The following MYOF variants were observed in gnomAD, a reference collection of about 807,000 sequenced individuals.
MYOF encodes fer-1-like 3, myoferlin.
A neutral mutation model predicts 284.2 loss-of-function variants in MYOF; 244 were observed. The ratio of observed to expected loss-of-function variants is 0.86; its 90% CI spans 0.77 to 0.95. The LOEUF is 0.95. Among genes scored for constraint, MYOF ranks in the 40% least tolerant of loss-of-function variants. MYOF has a pLI of 0.00. For synonymous variants in MYOF, 904 were observed against 919.7 expected, an observed-to-expected ratio of 0.98 and a Z score of 0.31; for missense variants, 2,496 against 2,560.6, an observed-to-expected ratio of 0.97 and a Z score of 0.54.
chr10:93,307,905 G>T (rs1467917100), intron 53 of MYOF, among the ~76,000 whole-genome samples: 1 of 150,998 alleles, frequency 6.6e-6, no homozygotes, highest in Non-Finnish European at 1.5e-5. Flanking sequence ...GATTATAGGT[G>T]TGAGCCACTG....
rs916555324 is a variant in MYOF, at chr10:93,370,314, A to ATTTTTTTTTTTTTTTTTTTTTTTT, written c.2458-539_2458-538insAAAAAAAAAAAAAAAAAAAAAAAA. Among the ~76,000 whole-genome samples the ATTTTTTTTTTTTTTTTTTTTTTTT allele has an allele frequency of 6.5e-5, 8 of 122,424 alleles. 1 individual carries two copies. The highest frequency in any genetic ancestry group is 2.5e-4 in the African/African-American group (7 of 28,276). 80.3% of individuals were successfully genotyped at this position (122,424 alleles called of 152,430 possible). On this transcript the variant is annotated intron_variant, in intron 24 of 53. Coordinates refer to ENST00000359263, the MANE Select transcript of MYOF (RefSeq NM_013451.4). ...GTTGATCAAGCAGTAATGATTACTA[A>ATTTTTTTTTTTTTTTTTTTTTTTT]TTTTTTTTTTTTTTTTTTTTTGAGA...
rs1847816352 is a variant in MYOF at position 93,409,707 on chromosome 10, T to G, written c.466A>C (p.Arg156=). The G allele has an allele frequency of 6.2e-7, 1 of 1,614,200 alleles. No homozygotes were observed. Among genetic ancestry groups the G allele is most frequent in the Non-Finnish European group, 8.5e-7 (1 of 1,180,024 alleles). ...DGEEDEGDED[R]LDNAVRGPGP... Reference sequence around the variant, plus strand: ...GGGCCCCTGACTGCATTGTCCAACCTGTCTTCATCACCTTCATCTTCTTCC... The same window carrying G: ...GGGCCCCTGACTGCATTGTCCAACCGGTCTTCATCACCTTCATCTTCTTCC... The change falls in exon 6 of 54, where the codon AGG becomes CGG. Residue 156 remains arginine (R), a synonymous_variant. Transcript: ENST00000359263.
intron 19 of MYOF, among the ~76,000 whole-genome samples, chr10:93,386,279 C>T (rs1846360206): frequency 6.6e-6 from 1 of 152,164 alleles, no homozygotes; most frequent in African/African-American, 2.4e-5. Context: ...TTCTCACTCT[C>T]CCGCCCTCTT....
intron 16 of MYOF, among the ~76,000 whole-genome samples, chr10:93,394,448 CTTTTTTTT>C (rs33970988): frequency 9.8e-4 from 28 of 28,692 alleles, no homozygotes; most frequent in Admixed American, 4.0e-3. Context: ...ACCATCTTGT[CTTTTTTTT>C]TTTTTTTTTT....
chr10:93,449,632 C>G (rs2056534779), intron 3 of MYOF, among the ~76,000 whole-genome samples: 1 of 152,004 alleles, frequency 6.6e-6, no homozygotes, highest in African/African-American at 2.4e-5. Flanking sequence ...AGAGTGGGAC[C>G]AGAACCTGCT....
intron 1 of MYOF, among the ~76,000 whole-genome samples, chr10:93,466,063 A>G (rs1255585958): frequency 6.6e-6 from 1 of 152,106 alleles, no homozygotes; most frequent in African/African-American, 2.4e-5. Flanking sequence ...GGAGCTGGCT[A>G]ATTTCTACTA....
chr10:93,325,885 C>T lies in MYOF; in HGVS notation c.5212G>A (p.Val1738Ile), dbSNP rs374010762. 1.1e-5 allele frequency: 18 copies of T among 1,613,970 alleles called. No homozygotes were observed. Among genetic ancestry groups the T allele is most frequent in the Non-Finnish European group, 1.5e-5 (18 of 1,180,038 alleles). ...ALHILRTQGL[V>I]PEHVETRTLH... ...GTCCTTGTTTCCACGTGCTCAGGGACCAGCCCCTGAGTCCTGAGGATGTGA... is the reference window on the plus strand; with the variant it reads ...GTCCTTGTTTCCACGTGCTCAGGGATCAGCCCCTGAGTCCTGAGGATGTGA... Residue 1738 changes from valine to isoleucine, a missense_variant, in exon 46 of 54, where the codon GTC becomes ATC. Physicochemically the swap from Val to Ile is conservative, Grantham distance 29. Coordinates refer to ENST00000359263, the MANE Select transcript of MYOF (RefSeq NM_013451.4).
intron 10 of MYOF, among the ~76,000 whole-genome samples, chr10:93,402,562 T>G (rs1216559928): frequency 6.6e-6 from 1 of 150,506 alleles, no homozygotes; most frequent in Admixed American, 6.7e-5. Flanking sequence ...AACAAGACTC[T>G]CTAAGTTGTA....
Position 93,340,192 on chromosome 10 carries a change from G to C in MYOF, c.4327-28C>G, listed in dbSNP as rs1009966310. The C allele has an allele frequency of 2.5e-6, 4 of 1,613,928 alleles. No homozygotes were observed. The East Asian group carries it at 6.7e-5, about 27-fold the overall frequency. On this transcript the variant is annotated intron_variant, in intron 38 of 53. Coordinates refer to ENST00000359263, the MANE Select transcript of MYOF (RefSeq NM_013451.4). The stretch of plus-strand genomic sequence containing the variant: ...GCTCGTGCACATGTCCCGTGAGGAA[G>C]AGGGCAAACCATATAACAGGTCACA...
Position 93,311,455 on chromosome 10 carries a change from C to CAAA in MYOF, c.5890-815_5890-813dup, listed in dbSNP as rs11397640. 2.0e-3 allele frequency among the ~76,000 whole-genome samples: 257 copies of CAAA among 129,678 alleles called. 4 individuals carry two copies. The highest frequency in any genetic ancestry group is 3.6e-3 in the Non-Finnish European group (215 of 59,898). 85.1% of individuals were successfully genotyped at this position (129,678 alleles called of 152,430 possible). On this transcript the variant is annotated intron_variant, in intron 51 of 53. Transcript: ENST00000359263. ...CGAAACCCCATCTCTACTAAAAATA[C>CAAA]AAAAAAAAAAAAAAAAATTAGCCAG...
chr10:93,399,187 T>C (rs1847161387), intron 13 of MYOF, among the ~76,000 whole-genome samples: 1 of 152,160 alleles, frequency 6.6e-6, no homozygotes, highest in Non-Finnish European at 1.5e-5. Flanking sequence ...AATTTTCTAA[T>C]TTGTGTTCTG....
chr10:93,314,254 A>G (rs1445851617), intron 50 of MYOF, among the ~76,000 whole-genome samples: 1 of 152,056 alleles, frequency 6.6e-6, no homozygotes, highest in Non-Finnish European at 1.5e-5. Flanking sequence ...ATGCCCGGCT[A>G]ATTTTTGTAT....
intron 43 of MYOF, among the ~76,000 whole-genome samples, chr10:93,330,714 G>C (rs1170182396): frequency 2.6e-5 from 4 of 152,208 alleles, no homozygotes; most frequent in Admixed American, 6.5e-5. Context: ...GACAGTCCCG[G>C]AGAAGGTGCT....
intron 5 of MYOF, among the ~76,000 whole-genome samples, chr10:93,423,311 G>C (rs766196160): frequency 4.6e-5 from 7 of 151,738 alleles, no homozygotes; most frequent in Non-Finnish European, 7.4e-5. Context: ...CAGATCACTT[G>C]AGGTCAGGAG....
Position 93,482,324 on chromosome 10 carries a change from G to T in MYOF, c.-130C>A. 3.7e-6 allele frequency: 3 copies of T among 819,358 alleles called. No individual in the cohort carries two copies. The highest frequency in any genetic ancestry group is 5.9e-6 in the Non-Finnish European group (3 of 510,590). The allele number at this position is 819,358 out of a possible 1,614,324, so 50.8% of individuals were successfully genotyped here. ...GGAGGATTTCTCCCAGGGCAAGGAA[G>T]GGGAAAAGGCAAAATGGGTGGACCT... On this transcript the variant is annotated 5_prime_UTR_variant, in exon 1 of 54. Transcript: ENST00000359263.
At chr10:93,406,570 C>G (rs200498601) in intron 7 of MYOF, among the ~76,000 whole-genome samples, 12 of 150,222 alleles carry the variant, frequency 8.0e-5, no homozygotes, top group Admixed American at 6.0e-4. Context: ...TCCTCCCCAC[C>G]CATCCAGTCT....
At chr10:93,344,412 C>G (rs756071723) in intron 37 of MYOF, among the ~76,000 whole-genome samples, 1 of 152,086 alleles carries the variant, frequency 6.6e-6, no homozygotes, top group Non-Finnish European at 1.5e-5. Context: ...TCCCCCTCCC[C>G]CTTCTGAGTC....
At chr10:93,352,607 T>C (rs1021726819) in intron 32 of MYOF, among the ~76,000 whole-genome samples, 1 of 152,202 alleles carries the variant, frequency 6.6e-6, no homozygotes, top group African/African-American at 2.4e-5. Flanking sequence ...TGCAGTTGCC[T>C]GGGGGCTGAC....
In MYOF at chr10:93,458,463, C is replaced by T. The variant is rs986974943; in HGVS notation, c.89-1526G>A. Among the ~76,000 whole-genome samples, 5 of 151,562 alleles carry T rather than the reference C, an allele frequency of 3.3e-5. No homozygotes were observed. In the East Asian group the frequency reaches 5.9e-4, roughly 18 times the overall value. ...TCAAAGTCACCCAGTTGGCTGGGTG[C>T]GGTGGCTGACACCTGTAATCCCAGC... On this transcript the variant is annotated intron_variant, in intron 1 of 53. Coordinates refer to ENST00000359263, the MANE Select transcript of MYOF (RefSeq NM_013451.4).
Sources: allele counts gnomAD v4.1 joint callset (sites outside exome capture counted in the v4.1 genomes callset), GRCh38; gene constraint gnomAD v4.1.1; transcripts MANE v1.5; gene names NCBI Gene and HGNC (gene_info 2026-07-23, HGNC 2026-07-21).